ZNF787: variants seen among roughly 807,000 people sequenced by gnomAD.
ZNF787 encodes TTF-I-interacting peptide 20.
In ZNF787, 7 loss-of-function variants were observed where a neutral mutation model predicts 16.9. The observed-to-expected ratio is 0.42, with a 90% CI of 0.24 to 0.78. The LOEUF (loss-of-function observed/expected upper bound fraction) is 0.78, where lower values mean the gene tolerates loss of function less well. Ranked by LOEUF, ZNF787 falls within the 30% of genes least tolerant of loss-of-function variation. ZNF787 has a pLI of 0.30. For synonymous variants in ZNF787, 345 were observed against 270.9 expected, an observed-to-expected ratio of 1.27 and a Z score of -2.69; for missense variants, 551 against 589.3, an observed-to-expected ratio of 0.94 and a Z score of 0.67.
In ZNF787 at chr19:56,089,087, T is replaced by A; in HGVS notation, c.85A>T (p.Ile29Phe). The A allele has an allele frequency of 6.8e-7, 1 of 1,461,168 alleles. No homozygotes were observed. The highest frequency in any genetic ancestry group is 2.5e-5 in the East Asian group (1 of 39,874). The allele number at this position is 1,461,168 out of a possible 1,614,324, so 90.5% of individuals were successfully genotyped here. ...QMASHENPVD[I>F]LIMDDDDVPS... ...ACGTCGTCATCATCCATGATGAGGATGTCCACTGGAAAGCAAGAGGGTAGG... is the reference window on the plus strand; with the variant it reads ...ACGTCGTCATCATCCATGATGAGGAAGTCCACTGGAAAGCAAGAGGGTAGG... Residue 29 changes from isoleucine (I) to phenylalanine (F), a missense_variant, in exon 3 of 3, where the codon ATC becomes TTC. By Grantham distance (21) the Ile-to-Phe change is conservative. Around this residue, in one of 4 missense-constraint regions of ZNF787, gnomAD observed 80 missense variants for 105.9 expected, o/e 0.76. Transcript: ENST00000610935.
chr19:56,100,895 G>A (rs1986069222), intron 2 of ZNF787, among the ~76,000 whole-genome samples: 2 of 141,788 alleles, frequency 1.4e-5, no homozygotes, highest in South Asian at 2.2e-4. Context: ...GACTCCATAC[G>A]CCATGGCCAG....
chr19:56,099,710 C>A (rs1213808730), intron 2 of ZNF787, among the ~76,000 whole-genome samples: 154 of 106,556 alleles, frequency 1.4e-3, no homozygotes, highest in Middle Eastern at 5.7e-3. Flanking sequence ...GGCTCCGTCT[C>A]AAAAAAAAAA....
intron 1 of ZNF787, among the ~76,000 whole-genome samples, chr19:56,115,310 C>T (rs560856866): frequency 6.6e-6 from 1 of 152,058 alleles, no homozygotes; most frequent in African/African-American, 2.4e-5. Flanking sequence ...TGCTCTGGCC[C>T]CTCTCCCTCT....
intron 2 of ZNF787, among the ~76,000 whole-genome samples, chr19:56,098,275 G>C (rs1484721820): frequency 6.6e-6 from 1 of 152,236 alleles, no homozygotes; most frequent in Non-Finnish European, 1.5e-5. Context: ...GGTCCCAAGT[G>C]TGGGCTGCCT....
chr19:56,101,630 T>C (rs1169178970), intron 2 of ZNF787: 2 of 152,220 alleles, frequency 1.3e-5, no homozygotes, highest in Non-Finnish European at 2.9e-5. Flanking sequence ...CAGCTTCCTG[T>C]AGGGCTTTTT....
At position 56,103,835 on chromosome 19, in the gene ZNF787, G is replaced by A. The variant is rs1315802191; in HGVS notation, c.-10-608C>T. On this transcript the variant is annotated intron_variant, in intron 1 of 2. Coordinates refer to ENST00000610935, the MANE Select transcript of ZNF787 (RefSeq NM_001002836.4). Reference sequence around the variant, plus strand: ...ACACCACCGACCCGTGCCACGCACCGGGAGGGTCTCTACGCACGACACCGC... The same window carrying A: ...ACACCACCGACCCGTGCCACGCACCAGGAGGGTCTCTACGCACGACACCGC... Among the ~76,000 whole-genome samples, 14 of 122,932 alleles carry A rather than the reference G, an allele frequency of 1.1e-4. 1 individual carries two copies. The highest frequency in any genetic ancestry group is 5.4e-4 in the Admixed American group (7 of 12,890). The allele number at this position is 122,932 out of a possible 152,430, so 80.6% of individuals were successfully genotyped here. A position where few individuals can be genotyped will look rare whatever the true frequency, so the allele number is the denominator to read the frequency against.
chr19:56,094,187 CTTT>C (rs572443571), intron 2 of ZNF787, among the ~76,000 whole-genome samples: 1,061 of 105,454 alleles, frequency 0.01, 13 homozygotes, highest in Middle Eastern at 0.048. Flanking sequence ...TCATGCCCGG[CTTT>C]TTTTTTTTTT....
In ZNF787 at chr19:56,087,812, GGGCAGAGTCTCGA is replaced by G. The variant is rs1555774981; in HGVS notation, c.*198_*210del. On this transcript the variant is annotated 3_prime_UTR_variant, in exon 3 of 3. Coordinates refer to ENST00000610935, the MANE Select transcript of ZNF787 (RefSeq NM_001002836.4). Reference sequence around the variant, plus strand: ...TTAGGAAGGGCGGGCCAGGCTGAGGGGGCAGAGTCTCGAGGCGGAGAAGTGAACGGGCCCTAAT... The same window carrying G: ...TTAGGAAGGGCGGGCCAGGCTGAGGGGGCGGAGAAGTGAACGGGCCCTAAT... 4.0e-6 allele frequency: 3 copies of G among 753,826 alleles called. No homozygotes were observed. Among genetic ancestry groups the G allele is most frequent in the Admixed American group, 4.6e-5 (1 of 21,758 alleles). The allele number at this position is 753,826 out of a possible 1,614,324, so 46.7% of individuals were successfully genotyped here. A position where few individuals can be genotyped will look rare whatever the true frequency, so the allele number is the denominator to read the frequency against.
In ZNF787 at chr19:56,106,675, G is replaced by C. The variant is rs75450351; in HGVS notation, c.-10-3448C>G. 1.8e-3 allele frequency among the ~76,000 whole-genome samples: 270 copies of C among 151,470 alleles called. 1 individual carries two copies. The highest frequency in any genetic ancestry group is 6.2e-3 in the African/African-American group (256 of 41,212). On this transcript the variant is annotated intron_variant, in intron 1 of 2. Transcript: ENST00000610935. ...TCGTTCCCCAACAACCTCAACACCGGAAGAGAAAACCCAGGCGAGGCCCCC... is the reference window on the plus strand; with the variant it reads ...TCGTTCCCCAACAACCTCAACACCGCAAGAGAAAACCCAGGCGAGGCCCCC...
intron 2 of ZNF787, among the ~76,000 whole-genome samples, chr19:56,092,674 G>A (rs1477124342): frequency 1.3e-5 from 2 of 152,168 alleles, no homozygotes; most frequent in Non-Finnish European, 2.9e-5. Context: ...AAGGACATAG[G>A]GGATGACAGA....
rs1192360184 is a variant in ZNF787 at position 56,087,853 on chromosome 19, G to GC, written c.*169dup. ...CGGAGAAGTGAACGGGCCCTAATAC[G>GC]CCCCAGTGCCCCCCCACGGACGGCG... On this transcript the variant is annotated 3_prime_UTR_variant, in exon 3 of 3. Coordinates refer to ENST00000610935, the MANE Select transcript of ZNF787 (RefSeq NM_001002836.4). 7.3e-6 allele frequency: 8 copies of GC among 1,099,990 alleles called. No homozygotes were observed. The highest frequency in any genetic ancestry group is 9.3e-6 in the Non-Finnish European group (8 of 864,408). 68.1% of individuals were successfully genotyped at this position (1,099,990 alleles called of 1,614,324 possible). A position where few individuals can be genotyped will look rare whatever the true frequency, so the allele number is the denominator to read the frequency against.
chr19:56,100,203 G>A (rs114720577), intron 2 of ZNF787, among the ~76,000 whole-genome samples: 2,155 of 152,228 alleles, frequency 0.014, 48 homozygotes, highest in African/African-American at 0.049. Context: ...CCTGGCTCGG[G>A]TGGCACCCTC....
In ZNF787 at chr19:56,088,999, G is replaced by T. The variant is rs1985465807; in HGVS notation, c.173C>A (p.Pro58His). 1.3e-6 allele frequency: 2 copies of T among 1,497,082 alleles called. No individual in the cohort carries two copies. The highest frequency in any genetic ancestry group is 1.8e-4 in the Middle Eastern group (1 of 5,428). The allele number at this position is 1,497,082 out of a possible 1,614,324, so 92.7% of individuals were successfully genotyped here. The part of the protein sequence containing the change: ...PQSAPPAGPP[P>H]RPRPPAPYIC... ...GTAGGGGGCGGGCGGCCGCGGCCGGGGAGGCGGGCCGGCTGGGGGCGCAGA... is the reference window on the plus strand; with the variant it reads ...GTAGGGGGCGGGCGGCCGCGGCCGGTGAGGCGGGCCGGCTGGGGGCGCAGA... The change falls in exon 3 of 3, where the codon CCC becomes CAC. Residue 58 changes from proline (P) to histidine (H), a missense_variant. Transcript: ENST00000610935. The surrounding 1 kb of genome is among the most constrained non-coding windows in gnomAD (Gnocchi z 8.6).
In ZNF787 at chr19:56,087,903, C is replaced by T. The variant is rs941458105; in HGVS notation, c.*120G>A. 6.3e-6 allele frequency: 8 copies of T among 1,272,780 alleles called. No homozygotes were observed. The African/African-American group carries it at 7.9e-5, about 13-fold the overall frequency. The allele number at this position is 1,272,780 out of a possible 1,614,324, so 78.8% of individuals were successfully genotyped here. ...GCAGGGACAGAGGAGGGCGGGGAGC[C>T]GGGGATGCCGCGGGGTCCATCGCAC... On this transcript the variant is annotated 3_prime_UTR_variant, in exon 3 of 3. Transcript: ENST00000610935.
intron 2 of ZNF787, 41 bp from the exon 3 acceptor site, chr19:56,089,133 C>CA: frequency 1.9e-5 from 26 of 1,398,198 alleles, no homozygotes; most frequent in Non-Finnish European, 2.4e-5. Flanking sequence ...TCAAGAGAGG[C>CA]AAGGGCTCCA....
At chr19:56,115,769 C>T (rs909477533) in intron 1 of ZNF787, among the ~76,000 whole-genome samples, 5 of 152,122 alleles carry the variant, frequency 3.3e-5, no homozygotes, top group Admixed American at 6.5e-5. Flanking sequence ...TCCGAGAGGG[C>T]GAGAGAGAGG....
chr19:56,116,932 G>A (rs1473947536), intron 1 of ZNF787, among the ~76,000 whole-genome samples: 1 of 152,190 alleles, frequency 6.6e-6, no homozygotes, highest in African/African-American at 2.4e-5. Flanking sequence ...GGTCCTGGGT[G>A]CAGGGTGCCC....
chr19:56,113,952 C>A (rs2030056520), intron 1 of ZNF787, among the ~76,000 whole-genome samples: 1 of 152,190 alleles, frequency 6.6e-6, no homozygotes. Context: ...GCCTCTGCCT[C>A]CCGAGTAGCT....
intron 1 of ZNF787, among the ~76,000 whole-genome samples, chr19:56,109,928 T>C (rs149800004): frequency 2.0e-4 from 30 of 152,288 alleles, no homozygotes; most frequent in African/African-American, 7.0e-4. Flanking sequence ...TGTTATTCTA[T>C]GTCAACCTAA....
Sources: gnomAD v4.1 joint callset for allele counts (sites outside exome capture counted in the v4.1 genomes callset) on GRCh38, gnomAD v4.1.1 for gene constraint, gnomAD v4.1.1 regional missense constraint, Gnocchi (gnomAD v3.1) non-coding constraint, MANE v1.5 for transcripts, NCBI Gene and HGNC (gene_info 2026-07-23, HGNC 2026-07-21) for gene names.